The following SLC5A11 variants were observed in gnomAD, a reference collection of about 807,000 sequenced individuals.
SLC5A11 encodes sodium/myo-inositol cotransporter 2.
SLC5A11 carries 48 observed loss-of-function variants against 69.8 expected under a neutral mutation model. The ratio of observed to expected loss-of-function variants is 0.69; its 90% CI spans 0.55 to 0.87. The LOEUF (loss-of-function observed/expected upper bound fraction) is 0.87, where lower values mean the gene tolerates loss of function less well. Among genes scored for constraint, SLC5A11 ranks in the 40% least tolerant of loss-of-function variants. The pLI is 0.00. For synonymous variants in SLC5A11, 319 were observed against 342.4 expected, an observed-to-expected ratio of 0.93 and a Z score of 0.75; for missense variants, 784 against 866.1, an observed-to-expected ratio of 0.91 and a Z score of 1.19.
chr16:24,861,346 G>T (rs1597015590), intron 2 of SLC5A11, among the ~76,000 whole-genome samples: 1 of 151,976 alleles, frequency 6.6e-6, no homozygotes, highest in Non-Finnish European at 1.5e-5. Flanking sequence ...TGAGCATGGT[G>T]GCATATGCCT....
intron 10 of SLC5A11, 103 bp from the exon 12 acceptor site, chr16:24,906,554 C>A: frequency 1.7e-6 from 1 of 602,882 alleles, no homozygotes; most frequent in South Asian, 3.1e-5. Flanking sequence ...TTTCATTGAG[C>A]TATAAACTTC....
chr16:24,864,310 TG>T (rs1250364679), intron 3 of SLC5A11, among the ~76,000 whole-genome samples: 2 of 152,184 alleles, frequency 1.3e-5, no homozygotes, highest in African/African-American at 4.8e-5. Flanking sequence ...TTGCAAAGAC[TG>T]GGAAAATTAT....
chr16:24,911,400 AG>A lies in SLC5A11; in HGVS notation c.1897del (p.Glu633LysfsTer11), dbSNP rs781439926. ...CTCTGTGGAATACAGGAGAAGGGCA[AG>A]GAAGAGCTCCCGGCCAGAGCAGAAG... On this transcript the variant is annotated frameshift_variant, in exon 16 of 16. Coordinates refer to ENST00000347898, the Ensembl canonical transcript of SLC5A11. LOFTEE classifies it low-confidence loss of function (END_TRUNC). 6.2e-7 allele frequency: 1 copy of A among 1,614,144 alleles called. No homozygotes were observed. Among genetic ancestry groups the A allele is most frequent in the Non-Finnish European group, 8.5e-7 (1 of 1,180,038 alleles).
At chr16:24,894,298 A>G (rs2049003958) in intron 9 of SLC5A11, among the ~76,000 whole-genome samples, 1 of 152,174 alleles carries the variant, frequency 6.6e-6, no homozygotes. Flanking sequence ...CTCCACCATG[A>G]CAGCTCTCCC....
exon 14 of SLC5A11, chr16:24,909,033 C>G (rs1164279081): frequency 1.2e-6 from 2 of 1,614,010 alleles, no homozygotes; most frequent in Admixed American, 1.7e-5. Flanking sequence ...TGATCCTGTC[C>G]ACGGTCACCC....
At chr16:24,907,757 G>A (rs536530963) in intron 12 of SLC5A11, among the ~76,000 whole-genome samples, 98 of 152,074 alleles carry the variant, frequency 6.4e-4, no homozygotes, top group African/African-American at 2.2e-3. Flanking sequence ...GTGTTGGCAT[G>A]TGTCTGTAAT....
chr16:24,902,418 C>T (rs1259348794), intron 10 of SLC5A11, among the ~76,000 whole-genome samples: 1 of 152,122 alleles, frequency 6.6e-6, no homozygotes, highest in African/African-American at 2.4e-5. Flanking sequence ...GATTTGAATC[C>T]AGATGTAGCT....
At chr16:24,850,963 A>G (rs1396232295) in intron 1 of SLC5A11, among the ~76,000 whole-genome samples, 1 of 151,424 alleles carries the variant, frequency 6.6e-6, no homozygotes, top group Non-Finnish European at 1.5e-5. Flanking sequence ...GGAGCCCACC[A>G]CCACGCCCTG....
In SLC5A11 at chr16:24,877,081, G is replaced by C. The variant is rs995122961; in HGVS notation, c.478-177G>C. ...TGCTGCATCAGCCCAGGGCCCACAG[G>C]GCTCCAGCTGAAGACCCCTGATCTG... is the stretch of plus-strand genomic sequence containing the variant. On this transcript the variant is annotated intron_variant, in intron 6 of 15. Coordinates refer to ENST00000347898, the Ensembl canonical transcript of SLC5A11. 3 of 1,461,372 alleles carry C rather than the reference G, an allele frequency of 2.1e-6. No homozygotes were observed. In the South Asian group the frequency reaches 4.3e-5, roughly 21 times the overall value. The allele number at this position is 1,461,372 out of a possible 1,614,324, so 90.5% of individuals were successfully genotyped here.
exon 13 of SLC5A11, chr16:24,907,992 C>T: frequency 1.9e-6 from 3 of 1,614,092 alleles, no homozygotes; most frequent in Non-Finnish European, 2.5e-6. Flanking sequence ...GTCCTGGTCT[C>T]CATCCTCTGG....
intron 4 of SLC5A11, among the ~76,000 whole-genome samples, chr16:24,871,251 TTA>T (rs1383238922): frequency 6.8e-6 from 1 of 146,992 alleles, no homozygotes; most frequent in Admixed American, 6.8e-5. Context: ...GTGGCAAGTG[TTA>T]TTTCTGCTTG....
intron 1 of SLC5A11, among the ~76,000 whole-genome samples, chr16:24,852,805 G>T (rs988847588): frequency 1.1e-4 from 16 of 151,972 alleles, no homozygotes; most frequent in African/African-American, 3.6e-4. Context: ...ATTTCACTGA[G>T]TCCCCAGGGC....
chr16:24,847,730 G>A (rs187658779), intron 1 of SLC5A11, among the ~76,000 whole-genome samples: 1 of 152,318 alleles, frequency 6.6e-6, no homozygotes, highest in Admixed American at 6.5e-5. Context: ...AGCCCATTGG[G>A]CATCCTGCAG....
At chr16:24,847,269 C>T (rs1397903333) in intron 1 of SLC5A11, among the ~76,000 whole-genome samples, 1 of 142,908 alleles carries the variant, frequency 7.0e-6, no homozygotes, top group Non-Finnish European at 1.5e-5. Flanking sequence ...TCCCTCCCAC[C>T]TCTCTGTTTC....
At chr16:24,888,111 C>T (rs72770467) in intron 8 of SLC5A11, among the ~76,000 whole-genome samples, 24 of 151,860 alleles carry the variant, frequency 1.6e-4, no homozygotes, top group African/African-American at 5.1e-4. Flanking sequence ...TGGAATCACC[C>T]GCAAAAATTA....
At chr16:24,846,350 A>G (rs2059012267) in exon 1 of SLC5A11, 1 of 152,252 alleles carries the variant, frequency 6.6e-6, no homozygotes, top group African/African-American at 2.4e-5. Context: ...GATCCCGGGT[A>G]TCTCCCTCCT....
intron 9 of SLC5A11, among the ~76,000 whole-genome samples, chr16:24,896,072 T>TC (rs2049142865): frequency 6.6e-6 from 1 of 151,642 alleles, no homozygotes; most frequent in Non-Finnish European, 1.5e-5. Flanking sequence ...TTTTTTTTTT[T>TC]TCTGGGCGTG....
chr16:24,901,888 C>T (rs1301838301), intron 10 of SLC5A11, among the ~76,000 whole-genome samples: 1 of 151,292 alleles, frequency 6.6e-6, no homozygotes, highest in Non-Finnish European at 1.5e-5. Context: ...AGTTTGAGAC[C>T]AGCCTGGGCA....
intron 1 of SLC5A11, among the ~76,000 whole-genome samples, chr16:24,855,388 G>A (rs1487086600): frequency 6.9e-6 from 1 of 145,344 alleles, no homozygotes; most frequent in Non-Finnish European, 1.5e-5. Flanking sequence ...AATTGCTTGA[G>A]CCCAGGAATT....
Sources: gnomAD v4.1 joint callset for allele counts (sites outside exome capture counted in the v4.1 genomes callset) on GRCh38, gnomAD v4.1.1 for gene constraint, MANE v1.5 for transcripts, NCBI Gene and HGNC (gene_info 2026-07-23, HGNC 2026-07-21) for gene names.